Variants in GYS2 observed in about 807,000 individuals in gnomAD.
GYS2 encodes the protein glycogen synthase 2, also known as glycogen [starch] synthase, liver.
GYS2 carries 80 observed loss-of-function variants against 85.6 expected under a neutral mutation model. The observed-to-expected ratio is 0.93, with a 90% CI of 0.78 to 1.13. The LOEUF is 1.13. Among genes scored for constraint, GYS2 ranks in the 50% most tolerant of loss-of-function variants. GYS2 has a pLI of 0.00. For synonymous variants in GYS2, 328 were observed against 300.7 expected (o/e 1.09, Z -0.94); for missense variants, 881 against 854.9 (o/e 1.03, Z -0.38).
chr12:21,583,058 G>A (rs987772654), intron 1 of GYS2, among the ~76,000 whole-genome samples: 3 of 152,138 alleles, frequency 2.0e-5, no homozygotes, highest in African/African-American at 2.4e-5. Flanking sequence ...CCAGCTTTGT[G>A]CCATAATCTT....
chr12:21,552,741 T>C (rs1236961520), intron 11 of GYS2, among the ~76,000 whole-genome samples: 1 of 152,260 alleles, frequency 6.6e-6, no homozygotes, highest in Non-Finnish European at 1.5e-5. Context: ...GAAAGTCATG[T>C]GCTTTGATAT....
In GYS2 at chr12:21,556,296, G is replaced by T. The variant is rs543405802; in HGVS notation, c.1422+1904C>A. On this transcript the variant is annotated intron_variant, in intron 11 of 15. Coordinates refer to ENST00000261195, the MANE Select transcript of GYS2 (RefSeq NM_021957.4). ...CAATCCTCCCACTTATGCCTCCCTA[G>T]TAGCTGGTACTACAGGCGTGTACCA... is the stretch of plus-strand genomic sequence containing the variant. Among the ~76,000 whole-genome samples the T allele has an allele frequency of 2.0e-5, 3 of 152,236 alleles. No homozygotes were observed. In the East Asian group the frequency reaches 5.8e-4, roughly 29 times the overall value.
At chr12:21,579,273 T>C (rs1944480752) in intron 2 of GYS2, among the ~76,000 whole-genome samples, 1 of 151,940 alleles carries the variant, frequency 6.6e-6, no homozygotes, top group Admixed American at 6.6e-5. Flanking sequence ...TAGTCCAAAA[T>C]AGACTAAAAT....
At chr12:21,585,762 G>GA (rs1238525843) in intron 1 of GYS2, among the ~76,000 whole-genome samples, 1 of 152,144 alleles carries the variant, frequency 6.6e-6, no homozygotes. Context: ...CTTGTACTAA[G>GA]AAAATATATA....
At chr12:21,549,775 G>A (rs1944084898) in intron 11 of GYS2, among the ~76,000 whole-genome samples, 1 of 151,996 alleles carries the variant, frequency 6.6e-6, no homozygotes. Context: ...TTAATCAGGT[G>A]GTAAAGGTTT....
intron 1 of GYS2, among the ~76,000 whole-genome samples, chr12:21,587,902 G>A (rs1229523596): frequency 3.9e-5 from 6 of 152,046 alleles, no homozygotes; most frequent in African/African-American, 1.4e-4. Context: ...GAGTGTGCAA[G>A]GAAAGAGTAA....
intron 1 of GYS2, among the ~76,000 whole-genome samples, chr12:21,594,120 A>T (rs926176527): frequency 3.9e-5 from 6 of 152,196 alleles, no homozygotes; most frequent in Non-Finnish European, 7.4e-5. Flanking sequence ...AAAGTCATAT[A>T]TGACAAACCC....
chr12:21,564,428 C>T (rs1463711027), intron 5 of GYS2, among the ~76,000 whole-genome samples: 1 of 78,240 alleles, frequency 1.3e-5, no homozygotes, highest in Non-Finnish European at 3.0e-5. Context: ...GAGACTCCAT[C>T]TCAAAAGAAA....
intron 1 of GYS2, among the ~76,000 whole-genome samples, chr12:21,598,979 C>G (rs1944724988): frequency 6.6e-6 from 1 of 151,978 alleles, no homozygotes; most frequent in African/African-American, 2.4e-5. Flanking sequence ...CGTCATCTGG[C>G]AACACTGCCA....
intron 2 of GYS2, among the ~76,000 whole-genome samples, chr12:21,578,918 C>A (rs1249658018): frequency 6.6e-6 from 1 of 152,118 alleles, no homozygotes; most frequent in Non-Finnish European, 1.5e-5. Flanking sequence ...TTCTCAAAAC[C>A]ATGTCATTCT....
intron 1 of GYS2, among the ~76,000 whole-genome samples, chr12:21,583,246 C>A (rs1488453405): frequency 6.6e-6 from 1 of 152,170 alleles, no homozygotes; most frequent in Non-Finnish European, 1.5e-5. Flanking sequence ...GGACCTTCTA[C>A]CTCAGTAAAA....
chr12:21,562,759 G>A (rs1442937011), intron 7 of GYS2, among the ~76,000 whole-genome samples, 159 bp downstream of exon 7: 1 of 150,086 alleles, frequency 6.7e-6, no homozygotes, highest in Non-Finnish European at 1.5e-5. Flanking sequence ...CAACAGTGTG[G>A]TAACTCCAAT....
chr12:21,542,173 G>A (rs1904122), intron 13 of GYS2, among the ~76,000 whole-genome samples: 1 of 151,640 alleles, frequency 6.6e-6, no homozygotes, highest in African/African-American at 2.4e-5. Context: ...TCAGCCTCTG[G>A]AGTAGCTGGA....
At chr12:21,562,773 TA>T in intron 7 of GYS2, 144 bp downstream of exon 7, 1 of 815,090 alleles carries the variant, frequency 1.2e-6, no homozygotes, top group Non-Finnish European at 2.0e-6. Context: ...CTCCAATATG[TA>T]AATTGAAAGG....
intron 11 of GYS2, among the ~76,000 whole-genome samples, chr12:21,554,744 G>C (rs993762381): frequency 2.0e-5 from 3 of 152,172 alleles, no homozygotes; most frequent in African/African-American, 7.2e-5. Flanking sequence ...TAACAGATAA[G>C]AGTATTTCAG....
intron 12 of GYS2, among the ~76,000 whole-genome samples, chr12:21,544,886 T>A (rs1332912132): frequency 6.6e-6 from 1 of 152,196 alleles, no homozygotes; most frequent in East Asian, 1.9e-4. Context: ...TGACCAAACA[T>A]GCCCAGCCCT....
intron 1 of GYS2, among the ~76,000 whole-genome samples, chr12:21,583,428 T>A (rs558350255): frequency 6.6e-6 from 1 of 152,296 alleles, no homozygotes; most frequent in Non-Finnish European, 1.5e-5. Flanking sequence ...CTGGCCCATT[T>A]ATCGAGTGAT....
At chr12:21,584,694 C>T (rs921048211) in intron 1 of GYS2, among the ~76,000 whole-genome samples, 8 of 152,204 alleles carry the variant, frequency 5.3e-5, no homozygotes, top group African/African-American at 1.9e-4. Flanking sequence ...GGACCTCTTC[C>T]ATCATGGAAA....
chr12:21,579,349 CTTTTTTTT>C (rs58750123), intron 2 of GYS2, among the ~76,000 whole-genome samples: 2 of 88,726 alleles, frequency 2.3e-5, no homozygotes, highest in African/African-American at 4.1e-5. Context: ...CTTACTTCTT[CTTTTTTTT>C]TTTTTTTTTT....
Sources: allele counts gnomAD v4.1 joint callset (sites outside exome capture counted in the v4.1 genomes callset), GRCh38; gene constraint gnomAD v4.1.1; transcripts MANE v1.5; gene names NCBI Gene and HGNC (gene_info 2026-07-23, HGNC 2026-07-21).